The following TG variants were observed in gnomAD, a reference collection of about 807,000 sequenced individuals.
TG encodes thyroglobulin, also known as thyroid hormones.
TG carries 270 observed loss-of-function variants against 324.7 expected under a neutral mutation model. The ratio of observed to expected loss-of-function variants is 0.83; its 90% CI spans 0.75 to 0.92. The LOEUF (loss-of-function observed/expected upper bound fraction) is 0.92, where lower values mean the gene tolerates loss of function less well. TG is among the 40% of genes least tolerant of loss of function. The pLI is 0.00. For missense variants in TG, 3,591 were observed against 3,456.4 expected, an observed-to-expected ratio of 1.04 and a Z score of -0.98; for synonymous variants, 1,401 against 1,327.0, an observed-to-expected ratio of 1.06 and a Z score of -1.21.
intron 5 of TG, among the ~76,000 whole-genome samples, chr8:132,876,473 T>C (rs1227648459): frequency 6.6e-6 from 1 of 152,184 alleles, no homozygotes; most frequent in East Asian, 1.9e-4. Context: ...AGAAGGCAGT[T>C]ACTTCCCTGG....
At chr8:133,048,223 T>C (rs1228457266) in intron 41 of TG, among the ~76,000 whole-genome samples, 1 of 152,170 alleles carries the variant, frequency 6.6e-6, no homozygotes, top group African/African-American at 2.4e-5. Context: ...CTTTTATTTA[T>C]GTAATTTTTT....
intron 40 of TG, 26 bp downstream of exon 40, chr8:133,022,176 T>G (rs1835625961): frequency 4.3e-6 from 7 of 1,613,738 alleles, no homozygotes; most frequent in Non-Finnish European, 5.9e-6. Context: ...TGGTGGGAGC[T>G]GCTGACCCCC....
At chr8:133,024,039 G>T (rs1468124801) in intron 40 of TG, among the ~76,000 whole-genome samples, 1 of 152,178 alleles carries the variant, frequency 6.6e-6, no homozygotes, top group Non-Finnish European at 1.5e-5. Flanking sequence ...ATTTCTCCTG[G>T]ATTACCTCAT....
chr8:132,913,332 G>A lies in TG; in HGVS notation c.4378+67G>A. On this transcript the variant is annotated intron_variant, in intron 20 of 47. Transcript: ENST00000220616. ...TGAGGCTTTAGGAAAGGCCACCTCAGCACTGGAGAGAGGCTACTCTGGACA... is the reference window on the plus strand; with the variant it reads ...TGAGGCTTTAGGAAAGGCCACCTCAACACTGGAGAGAGGCTACTCTGGACA... The A allele has an allele frequency of 2.0e-6, 3 of 1,505,644 alleles. 1 individual carries two copies. In the South Asian group the frequency reaches 3.4e-5, roughly 17 times the overall value. The allele number at this position is 1,505,644 out of a possible 1,614,324, so 93.3% of individuals were successfully genotyped here. A position where few individuals can be genotyped will look rare whatever the true frequency, so the allele number is the denominator to read the frequency against.
At chr8:132,904,611 T>C (rs79874315) in intron 16 of TG, among the ~76,000 whole-genome samples, 1 of 152,296 alleles carries the variant, frequency 6.6e-6, no homozygotes, top group African/African-American at 2.4e-5. Flanking sequence ...AAAACAGGTC[T>C]GCTAGGGAAG....
At chr8:133,023,810 A>G (rs1436283541) in intron 40 of TG, among the ~76,000 whole-genome samples, 2 of 152,094 alleles carry the variant, frequency 1.3e-5, no homozygotes, top group African/African-American at 4.8e-5. Context: ...GATTTCACAG[A>G]GTGTAATCTT....
chr8:133,067,621 C>CA (rs1843211594), intron 41 of TG, among the ~76,000 whole-genome samples: 1 of 151,896 alleles, frequency 6.6e-6, no homozygotes, highest in Non-Finnish European at 1.5e-5. Flanking sequence ...ACTAAAAATG[C>CA]AAAAATTAGC....
intron 5 of TG, among the ~76,000 whole-genome samples, chr8:132,879,291 G>A (rs1587209827): frequency 2.0e-5 from 3 of 152,326 alleles, no homozygotes. Flanking sequence ...CTCTATTGGA[G>A]TGGTAGTCTC....
intron 41 of TG, chr8:133,050,539 A>G (rs865870455): frequency 3.6e-5 from 13 of 358,286 alleles, no homozygotes; most frequent in African/African-American, 2.3e-4. Context: ...GTGGTGGGAG[A>G]TAAGAAGAAT....
intron 25 of TG, among the ~76,000 whole-genome samples, chr8:132,936,191 A>T (rs573625506): frequency 6.6e-6 from 1 of 152,234 alleles, no homozygotes; most frequent in Admixed American, 6.5e-5. Context: ...CAAAGCTACG[A>T]AGTGAAGGAT....
At chr8:132,920,342 A>C (rs960758627) in intron 21 of TG, among the ~76,000 whole-genome samples, 4 of 152,192 alleles carry the variant, frequency 2.6e-5, no homozygotes, top group Non-Finnish European at 5.9e-5. Context: ...TTACAATCCA[A>C]ATAATTTCTA....
intron 43 of TG, among the ~76,000 whole-genome samples, chr8:133,112,971 G>A (rs758409803): frequency 1.3e-5 from 2 of 152,168 alleles, no homozygotes; most frequent in Non-Finnish European, 2.9e-5. Context: ...TTCATATGAT[G>A]AGTGACTGAG....
intron 41 of TG, among the ~76,000 whole-genome samples, chr8:133,068,074 A>T (rs182902142): frequency 2.0e-3 from 302 of 152,320 alleles, no homozygotes; most frequent in Non-Finnish European, 3.5e-3. Flanking sequence ...TTGATAGGAT[A>T]CCTCAATCCT....
chr8:133,012,031 GT>G lies in TG; in HGVS notation c.6394del (p.Ser2132ArgfsTer21). ...NFSAVRDLCL[S>X]ECSQHEACLI... ...TCTCTGCTGTCCGAGACCTCTGTTT[GT>G]CGGGTAAGGGGAGTTTCCAACCCAC... On this transcript the variant is annotated frameshift_variant, in exon 36 of 48. Coordinates refer to ENST00000220616, the MANE Select transcript of TG (RefSeq NM_003235.5). LOFTEE classifies it high-confidence loss of function. The G allele has an allele frequency of 6.2e-7, 1 of 1,614,176 alleles. No individual in the cohort carries two copies. The highest frequency in any genetic ancestry group is 8.5e-7 in the Non-Finnish European group (1 of 1,180,040).
chr8:132,949,155 G>A (rs1216815028), intron 27 of TG, among the ~76,000 whole-genome samples: 6 of 152,326 alleles, frequency 3.9e-5, no homozygotes, highest in African/African-American at 1.4e-4. Context: ...CAGATTGCAG[G>A]TGGACTGTGG....
intron 10 of TG, among the ~76,000 whole-genome samples, chr8:132,890,553 G>T (rs919018460): frequency 2.6e-5 from 4 of 152,126 alleles, no homozygotes; most frequent in Admixed American, 2.6e-4. Flanking sequence ...GCTTAAGGAG[G>T]ACTGGCCTGG....
chr8:132,954,301 G>A (rs545803498), intron 27 of TG, among the ~76,000 whole-genome samples: 2 of 152,270 alleles, frequency 1.3e-5, no homozygotes, highest in African/African-American at 4.8e-5. Context: ...GTTGTGCATT[G>A]CCATGTGCTT....
chr8:133,060,003 C>T, intron 41 of TG: 1 of 1,257,782 alleles, frequency 8.0e-7, no homozygotes, highest in Non-Finnish European at 1.1e-6. Flanking sequence ...TACCCATTGC[C>T]CCATTTAAGT....
intron 43 of TG, among the ~76,000 whole-genome samples, chr8:133,102,236 A>G (rs936785602): frequency 6.6e-6 from 1 of 152,208 alleles, no homozygotes; most frequent in African/African-American, 2.4e-5. Context: ...CCAATTTTCC[A>G]AATTGTAGTA....
Sources: gnomAD v4.1 joint callset for allele counts (sites outside exome capture counted in the v4.1 genomes callset) on GRCh38, gnomAD v4.1.1 for gene constraint, MANE v1.5 for transcripts, NCBI Gene and HGNC (gene_info 2026-07-23, HGNC 2026-07-21) for gene names.